Variants in VPS13B observed in about 807,000 individuals in gnomAD.
VPS13B encodes vacuolar protein sorting 13 homolog B.
VPS13B carries 285 observed loss-of-function variants against 426.4 expected under a neutral mutation model. The observed-to-expected ratio is 0.67, with a 90% CI of 0.61 to 0.74. The LOEUF (loss-of-function observed/expected upper bound fraction) is 0.74, where lower values mean the gene tolerates loss of function less well. Among genes scored for constraint, VPS13B ranks in the 30% least tolerant of loss-of-function variants. VPS13B has a pLI of 0.00. For synonymous variants in VPS13B, 1,676 were observed against 1,676.4 expected, an observed-to-expected ratio of 1.00 and a Z score of 0.01; for missense variants, 4,537 against 4,782.6, an observed-to-expected ratio of 0.95 and a Z score of 1.51.
intron 34 of VPS13B, among the ~76,000 whole-genome samples, chr8:99,659,572 T>C (rs956739473): frequency 1.1e-4 from 17 of 152,222 alleles, no homozygotes; most frequent in African/African-American, 4.1e-4. Flanking sequence ...CTACTTGGAA[T>C]CTATTTCTAG....
At chr8:99,245,854 T>C in intron 17 of VPS13B, among the ~76,000 whole-genome samples, 1 of 152,200 alleles carries the variant, frequency 6.6e-6, no homozygotes, top group East Asian at 1.9e-4. Context: ...CTGATTTATT[T>C]TTTGAGTATA....
rs889112132 is a variant in VPS13B, at chr8:99,504,579, A to AT, written c.4157+1639dup. 3.2e-4 allele frequency among the ~76,000 whole-genome samples: 48 copies of AT among 150,882 alleles called. 1 individual carries two copies. Among genetic ancestry groups the AT allele is most frequent in the East Asian group, 2.0e-3 (10 of 5,126 alleles). On this transcript the variant is annotated intron_variant, in intron 27 of 61. Coordinates refer to ENST00000357162, the MANE Select transcript of VPS13B (RefSeq NM_152564.5). ...ATGAGCTACTGCTCATTTACAAAGG[A>AT]TTTTTTTTTTCTACACAAGCAGTCG...
chr8:99,289,985 G>A (rs1172789810), intron 19 of VPS13B, among the ~76,000 whole-genome samples: 1 of 152,008 alleles, frequency 6.6e-6, no homozygotes, highest in Non-Finnish European at 1.5e-5. Context: ...GTGAGTGGAG[G>A]AGGTAAGACT....
intron 19 of VPS13B, chr8:99,347,515 G>C (rs970927460): frequency 5.9e-5 from 9 of 152,200 alleles, no homozygotes; most frequent in Admixed American, 5.9e-4. Flanking sequence ...TTCTACACCC[G>C]TGTTCAGATT....
chr8:99,536,550 A>G (rs867648290), intron 30 of VPS13B: 16 of 452,228 alleles, frequency 3.5e-5, no homozygotes, highest in South Asian at 2.7e-4. Flanking sequence ...TGTGTGTGGC[A>G]TTTGTACAAC....
intron 3 of VPS13B, among the ~76,000 whole-genome samples, chr8:99,084,460 C>G (rs1373199751): frequency 6.6e-5 from 10 of 152,040 alleles, no homozygotes; most frequent in South Asian, 4.2e-4. Context: ...TCCTTCAGTT[C>G]TGCTCTGATT....
rs1821248421 is a variant in VPS13B at position 99,501,862 on chromosome 8, C to T, written c.4042+4C>T. 1.9e-6 allele frequency: 3 copies of T among 1,613,608 alleles called. No individual in the cohort carries two copies. The highest frequency in any genetic ancestry group is 2.2e-5 in the East Asian group (1 of 44,842). ...GATCCTGAAAATAAAGGCACAGGTA[C>T]AGGATTCCTTTTCTTTCTTCCCTCC... On this transcript the variant is annotated splice_donor_region_variant and intron_variant, in intron 26 of 61. Coordinates refer to ENST00000357162, the MANE Select transcript of VPS13B (RefSeq NM_152564.5).
intron 31 of VPS13B, among the ~76,000 whole-genome samples, chr8:99,573,555 G>A (rs1825601468): frequency 2.0e-5 from 3 of 152,136 alleles, no homozygotes; most frequent in African/African-American, 7.2e-5. Flanking sequence ...ATTAAAAAGG[G>A]AATACTTTCC....
intron 13 of VPS13B, among the ~76,000 whole-genome samples, chr8:99,144,981 G>A (rs1201962672): frequency 6.6e-6 from 1 of 152,182 alleles, no homozygotes; most frequent in Non-Finnish European, 1.5e-5. Flanking sequence ...ATGATGTAAC[G>A]GAGTGAATCA....
intron 21 of VPS13B, among the ~76,000 whole-genome samples, chr8:99,393,777 G>A (rs1216287675): frequency 6.6e-6 from 1 of 152,008 alleles, no homozygotes; most frequent in East Asian, 1.9e-4. Flanking sequence ...ATTCTCTGGG[G>A]AACTTGGCAG....
At chr8:99,108,090 C>A (rs1268778258) in intron 5 of VPS13B, among the ~76,000 whole-genome samples, 1 of 152,200 alleles carries the variant, frequency 6.6e-6, no homozygotes, top group East Asian at 1.9e-4. Context: ...TAATTGAGAA[C>A]ATGCAGTGTT....
At chr8:99,249,427 GTTT>G (rs35700362) in intron 17 of VPS13B, among the ~76,000 whole-genome samples, 6 of 117,706 alleles carry the variant, frequency 5.1e-5, no homozygotes, top group Non-Finnish European at 7.2e-5. Flanking sequence ...TAGTTGAATG[GTTT>G]TTTTTTTTTT....
chr8:99,540,765 A>G (rs1823574152), intron 30 of VPS13B, among the ~76,000 whole-genome samples: 1 of 152,020 alleles, frequency 6.6e-6, no homozygotes, highest in African/African-American at 2.4e-5. Flanking sequence ...TTGTTTTTGC[A>G]TTTCTTTTGT....
intron 19 of VPS13B, among the ~76,000 whole-genome samples, chr8:99,336,840 G>T (rs555488201): frequency 6.6e-6 from 1 of 151,996 alleles, no homozygotes; most frequent in Non-Finnish European, 1.5e-5. Context: ...ATAGAATGGC[G>T]ATCATTAAAA....
intron 20 of VPS13B, among the ~76,000 whole-genome samples, chr8:99,387,594 T>C (rs1220546028): frequency 6.6e-6 from 1 of 152,126 alleles, no homozygotes; most frequent in Non-Finnish European, 1.5e-5. Context: ...AAATATACTT[T>C]AAAAAATGTT....
At chr8:99,191,674 G>A (rs1320628717) in intron 16 of VPS13B, among the ~76,000 whole-genome samples, 1 of 151,844 alleles carries the variant, frequency 6.6e-6, no homozygotes, top group East Asian at 1.9e-4. Context: ...GAGCCACCGC[G>A]CTGGGCCTAT....
chr8:99,234,226 C>T, intron 17 of VPS13B: 1 of 775,210 alleles, frequency 1.3e-6, no homozygotes, highest in Non-Finnish European at 2.4e-6. Context: ...CTTAGCTCCT[C>T]CATGGCTATT....
At chr8:99,118,614 A>G (rs935359022) in intron 7 of VPS13B, among the ~76,000 whole-genome samples, 1 of 152,062 alleles carries the variant, frequency 6.6e-6, no homozygotes, top group Non-Finnish European at 1.5e-5. Context: ...AGTTTTGCTG[A>G]TTCTAGAATT....
At chr8:99,436,483 T>A (rs1396994346) in intron 22 of VPS13B, among the ~76,000 whole-genome samples, 1 of 152,190 alleles carries the variant, frequency 6.6e-6, no homozygotes, top group Non-Finnish European at 1.5e-5. Flanking sequence ...ATTTTGTGGT[T>A]CCTCAATTTG....
Sources: gnomAD v4.1 joint callset for allele counts (sites outside exome capture counted in the v4.1 genomes callset) on GRCh38, gnomAD v4.1.1 for gene constraint, MANE v1.5 for transcripts, NCBI Gene and HGNC (gene_info 2026-07-23, HGNC 2026-07-21) for gene names.